HTR2C: variants seen among roughly 807,000 people sequenced by gnomAD.
The protein encoded by HTR2C is 5-hydroxytryptamine receptor 2C, also known as 5-hydroxytryptamine (serotonin) receptor 2C, G protein-coupled.
In HTR2C, 5 loss-of-function variants were observed where a neutral mutation model predicts 21.0. The observed-to-expected ratio is 0.24, with a 90% CI of 0.12 to 0.50. HTR2C has a LOEUF of 0.50. Ranked by LOEUF, HTR2C falls within the 20% of genes least tolerant of loss-of-function variation. The pLI is 0.98. For missense variants in HTR2C, 271 were observed against 371.2 expected (o/e 0.73, Z 2.22); for synonymous variants, 150 against 145.3 (o/e 1.03, Z -0.23).
chrX:114,667,842 T>C (rs1556411103), intron 2 of HTR2C, among the ~76,000 whole-genome samples: 1 of 111,924 alleles, frequency 8.9e-6, no homozygotes, highest in Admixed American at 9.5e-5. Flanking sequence ...TGACCTTTAC[T>C]GAAAGGCAAT....
intron 4 of HTR2C, chrX:114,776,808 A>G: frequency 8.0e-6 from 2 of 248,918 alleles, no homozygotes; most frequent in Admixed American, 1.1e-4. Flanking sequence ...CTCTGACTAC[A>G]AAGAAAGACA....
At chrX:114,780,888 T>A (rs2147400498) in intron 4 of HTR2C, among the ~76,000 whole-genome samples, 1 of 111,489 alleles carries the variant, frequency 9.0e-6, no homozygotes, top group South Asian at 3.8e-4. Context: ...ACAAATATAA[T>A]AAATATACCT....
intron 4 of HTR2C, among the ~76,000 whole-genome samples, chrX:114,784,529 C>T (rs1556441527): frequency 9.1e-6 from 1 of 109,933 alleles, no homozygotes; most frequent in African/African-American, 3.3e-5. Context: ...TGGTAGTTGC[C>T]GGCAATCCTT....
chrX:114,675,647 C>T (rs1268322455), intron 2 of HTR2C, among the ~76,000 whole-genome samples: 2 of 111,296 alleles, frequency 1.8e-5, no homozygotes, highest in Non-Finnish European at 3.8e-5. Context: ...TTTTATTTCC[C>T]GGAGCTTTGT....
At chrX:114,729,157 C>T (rs1471696998) in intron 3 of HTR2C, among the ~76,000 whole-genome samples, 1 of 111,773 alleles carries the variant, frequency 8.9e-6, no homozygotes, top group African/African-American at 3.2e-5. Flanking sequence ...CAGTTCTTCA[C>T]ACATAGACGT....
chrX:114,754,964 G>T (rs1215424234), intron 4 of HTR2C, among the ~76,000 whole-genome samples: 2 of 111,953 alleles, frequency 1.8e-5, no homozygotes, highest in Non-Finnish European at 3.8e-5. Context: ...AAGTGGCCGG[G>T]CACGGTGGCT....
intron 2 of HTR2C, among the ~76,000 whole-genome samples, chrX:114,641,667 A>G (rs1181587166): frequency 1.8e-5 from 2 of 112,323 alleles, no homozygotes; most frequent in Non-Finnish European, 3.8e-5. Flanking sequence ...TCTCAAGAGC[A>G]GAGAAGTATG....
chrX:114,898,111 A>T (rs2071310638), intron 5 of HTR2C, among the ~76,000 whole-genome samples: 2 of 112,708 alleles, frequency 1.8e-5, no homozygotes, highest in Non-Finnish European at 1.9e-5. Flanking sequence ...GGCTGACATG[A>T]GATGATATCT....
chrX:114,904,536 T>G (rs782009819), intron 5 of HTR2C, among the ~76,000 whole-genome samples: 1 of 111,931 alleles, frequency 8.9e-6, no homozygotes, highest in Non-Finnish European at 1.9e-5. Context: ...AGGCCAGTCA[T>G]TGTTCAGATT....
chrX:114,768,219 G>C lies in HTR2C; in HGVS notation c.349+36612G>C, dbSNP rs377504818. Among the ~76,000 whole-genome samples, 44 of 110,730 alleles carry C rather than the reference G, an allele frequency of 4.0e-4. No homozygotes were observed. The East Asian group carries it at 0.011, about 28-fold the overall frequency. Reference sequence around the variant, plus strand: ...AGTCACTGGTTATCTCTACAAACTAGATTCTCTTTTATAAATGACTTTTAC... The same window carrying C: ...AGTCACTGGTTATCTCTACAAACTACATTCTCTTTTATAAATGACTTTTAC... On this transcript the variant is annotated intron_variant, in intron 4 of 5. Coordinates refer to ENST00000276198, the MANE Select transcript of HTR2C (RefSeq NM_000868.4).
At position 114,667,176 on chromosome X, in the gene HTR2C, A is replaced by AT. The variant is rs1212518438; in HGVS notation, c.-80+53301dup. 4.5e-5 allele frequency among the ~76,000 whole-genome samples: 5 copies of AT among 111,360 alleles called. No individual in the cohort carries two copies. The East Asian group carries it at 1.1e-3, about 25-fold the overall frequency. On this transcript the variant is annotated intron_variant, in intron 2 of 5. Coordinates refer to ENST00000276198, the MANE Select transcript of HTR2C (RefSeq NM_000868.4). ...AGATTATAGGCTAATCTTAAAAACT[A>AT]TTTTTTATAGTATCAGTTGTTTTTT...
intron 5 of HTR2C, among the ~76,000 whole-genome samples, chrX:114,872,716 A>G (rs781857150): frequency 9.0e-6 from 1 of 110,921 alleles, no homozygotes; most frequent in East Asian, 2.8e-4. Context: ...GACTTAACAT[A>G]TGGTCTATGT....
At chrX:114,858,762 T>A (rs2070983645) in intron 5 of HTR2C, among the ~76,000 whole-genome samples, 1 of 111,174 alleles carries the variant, frequency 9.0e-6, no homozygotes. Context: ...TCTTTTTTTT[T>A]TAGTGGAAAA....
intron 5 of HTR2C, among the ~76,000 whole-genome samples, chrX:114,874,137 CTT>C (rs1491251487): frequency 1.2e-4 from 3 of 25,066 alleles, no homozygotes; most frequent in Non-Finnish European, 2.0e-4. Context: ...GAATAATTCT[CTT>C]GTGTGTGTGT....
intron 2 of HTR2C, among the ~76,000 whole-genome samples, chrX:114,702,687 T>C (rs1198338547): frequency 8.2e-5 from 9 of 110,183 alleles, no homozygotes; most frequent in South Asian, 4.0e-4. Flanking sequence ...ATCATAATGA[T>C]GGGATCAAAT....
At chrX:114,616,564 G>A (rs1015432752) in intron 2 of HTR2C, among the ~76,000 whole-genome samples, 3 of 110,249 alleles carry the variant, frequency 2.7e-5, no homozygotes, top group African/African-American at 1.0e-4. Context: ...TGGAATTACA[G>A]GCATAAGCCA....
At chrX:114,607,455 T>C (rs944004961) in intron 1 of HTR2C, among the ~76,000 whole-genome samples, 1 of 111,740 alleles carries the variant, frequency 8.9e-6, no homozygotes, top group Admixed American at 9.5e-5. Flanking sequence ...TGGAAGAGTA[T>C]GCATCATTCT....
chrX:114,855,820 A>ATTT lies in HTR2C; in HGVS notation c.550+7619_550+7621dup, dbSNP rs782359456. Among the ~76,000 whole-genome samples the ATTT allele has an allele frequency of 9.1e-5, 8 of 87,492 alleles. No homozygotes were observed. The South Asian group carries it at 4.6e-3, about 50-fold the overall frequency. The allele number at this position is 87,492 out of a possible 115,157, so 76.0% of individuals were successfully genotyped here. On this transcript the variant is annotated intron_variant, in intron 5 of 5. Coordinates refer to ENST00000276198, the MANE Select transcript of HTR2C (RefSeq NM_000868.4). Reference sequence around the variant, plus strand: ...GTACATATATTTTAAACATGAAGATATTTTGGAAAATCAGGTCTAAGTTTT... The same window carrying ATTT: ...GTACATATATTTTAAACATGAAGATATTTTTTTGGAAAATCAGGTCTAAGTTTT...
intron 2 of HTR2C, among the ~76,000 whole-genome samples, chrX:114,655,414 T>C (rs1218236700): frequency 8.9e-6 from 1 of 111,819 alleles, no homozygotes; most frequent in Non-Finnish European, 1.9e-5. Context: ...TTCCTAATAA[T>C]ACTCCTACAA....
Sources: gnomAD v4.1 joint callset for allele counts (sites outside exome capture counted in the v4.1 genomes callset) on GRCh38, gnomAD v4.1.1 for gene constraint, MANE v1.5 for transcripts, NCBI Gene and HGNC (gene_info 2026-07-23, HGNC 2026-07-21) for gene names.